DNAH12: variants seen among roughly 807,000 people sequenced by gnomAD.
DNAH12 encodes axonemal beta dynein heavy chain 12.
Under a neutral mutation model 371.5 loss-of-function variants are expected in DNAH12, and 285 were observed. The observed-to-expected ratio is 0.77, with a 90% confidence interval of 0.70 to 0.85. The LOEUF is 0.85. Among genes scored for constraint, DNAH12 ranks in the 40% least tolerant of loss-of-function variants. The pLI, the probability that DNAH12 is intolerant of heterozygous loss-of-function variation, is 0.00. For synonymous variants in DNAH12, 1,200 were observed against 1,213.0 expected (o/e 0.99, Z 0.22); for missense variants, 3,611 against 3,689.4 (o/e 0.98, Z 0.55).
upstream of DNAH12, among the ~76,000 whole-genome samples, chr3:57,547,483 T>A (rs1397727895): frequency 6.6e-6 from 1 of 152,086 alleles, no homozygotes; most frequent in Non-Finnish European, 1.5e-5. Context: ...TAATAGCCAA[T>A]GTTTCCAAAA....
At chr3:57,521,678 G>A (rs1302805892) in intron 4 of DNAH12, among the ~76,000 whole-genome samples, 1 of 152,186 alleles carries the variant, frequency 6.6e-6, no homozygotes, top group African/African-American at 2.4e-5. Flanking sequence ...CTTGAGGTCA[G>A]GAGTTCAAGA....
chr3:57,437,724 A>C (rs1252149108), intron 29 of DNAH12, among the ~76,000 whole-genome samples: 1 of 151,880 alleles, frequency 6.6e-6, no homozygotes, highest in African/African-American at 2.4e-5. Context: ...CCGAACATCC[A>C]TGCTTTTGCT....
chr3:57,331,894 C>T (rs2062106809), intron 62 of DNAH12, among the ~76,000 whole-genome samples: 1 of 152,122 alleles, frequency 6.6e-6, no homozygotes, highest in South Asian at 2.1e-4. Flanking sequence ...TCAAATTCCT[C>T]ATACCCTGCC....
chr3:57,417,426 G>T (rs897481943), intron 37 of DNAH12, among the ~76,000 whole-genome samples: 49 of 152,138 alleles, frequency 3.2e-4, no homozygotes, highest in African/African-American at 1.2e-3. Flanking sequence ...TGACCCCTGA[G>T]AATTCATCTA....
chr3:57,349,271 A>T (rs536015639), intron 60 of DNAH12, among the ~76,000 whole-genome samples: 6 of 152,338 alleles, frequency 3.9e-5, no homozygotes, highest in Admixed American at 3.3e-4. Flanking sequence ...TCAAAACCAC[A>T]ACATGATACC....
chr3:57,487,288 A>AAGGAAGG (rs2066951651), intron 12 of DNAH12, among the ~76,000 whole-genome samples: 1 of 110,508 alleles, frequency 9.0e-6, no homozygotes, highest in Non-Finnish European at 1.8e-5. Flanking sequence ...AAGAAGGAAG[A>AAGGAAGG]AAGGAAGGAA....
At chr3:57,487,403 GAAAAAAAAGAA>G (rs1559712170) in intron 12 of DNAH12, among the ~76,000 whole-genome samples, 1 of 97,882 alleles carries the variant, frequency 1.0e-5, no homozygotes. Context: ...AAGAAAGAAA[GAAAAAAAAGAA>G]AAAGAAAGAA....
At chr3:57,388,735 T>A (rs1034552183) in intron 45 of DNAH12, among the ~76,000 whole-genome samples, 1 of 152,070 alleles carries the variant, frequency 6.6e-6, no homozygotes, top group Non-Finnish European at 1.5e-5. Flanking sequence ...TAAAAAAGGA[T>A]GAGTTCATGT....
chr3:57,307,595 G>C (rs939039173), intron 69 of DNAH12, among the ~76,000 whole-genome samples: 22 of 152,104 alleles, frequency 1.4e-4, no homozygotes, highest in African/African-American at 5.1e-4. Flanking sequence ...ACTCTCTATA[G>C]TTCTCATAAT....
rs535397879 is a variant in DNAH12, at chr3:57,471,482, C to T, written c.1901G>A (p.Arg634His). Reference sequence around the variant, plus strand: ...ATATATTTATCAGACCTGTTGCATGCGCTCCAGCTCTGCAAATTCTGTAAA... The same window carrying T: ...ATATATTTATCAGACCTGTTGCATGTGCTCCAGCTCTGCAAATTCTGTAAA... ...EEFTEFAELE[R>H]MQQYVTDVRQ... Residue 634 changes from arginine (R) to histidine (H), a missense_variant, in exon 15 of 74, where the codon CGC (arginine) becomes CAC (histidine). By Grantham distance (29) the Arg-to-His change is conservative (BLOSUM62 0). This residue lies in a region of DNAH12 where 1,314 missense variants were observed against 1,398.7 expected (regional missense o/e 0.94). Transcript: ENST00000495027. 5.1e-5 allele frequency: 79 copies of T among 1,544,594 alleles called. No homozygotes were observed. The highest frequency in any genetic ancestry group is 4.3e-4 in the African/African-American group (31 of 72,714).
At chr3:57,382,108 A>C (rs1190386947) in intron 50 of DNAH12, among the ~76,000 whole-genome samples, 154 bp downstream of exon 50, 1 of 152,144 alleles carries the variant, frequency 6.6e-6, no homozygotes, top group African/African-American at 2.4e-5. Context: ...TTTTGACACT[A>C]CATTGTCTTA....
chr3:57,387,115 A>T lies in DNAH12; in HGVS notation c.7410T>A (p.Phe2470Leu), dbSNP rs2063512436. Residue 2470 changes from phenylalanine to leucine, a missense_variant, in exon 46 of 74, where the codon TTT becomes TTA. Phe to Leu is a conservative substitution (Grantham distance 22, BLOSUM62 0). Around this residue, in one of 3 missense-constraint regions of DNAH12, gnomAD observed 2,266 missense variants for 2,236.9 expected, o/e 1.01. Coordinates refer to ENST00000495027, the MANE Select transcript of DNAH12 (RefSeq NM_001366028.2). ...CTGAAAGATCCATAATGGAGGTGTG[A>T]AAGTGTTTACAGATTGGAACTATCT... ...QQEIVPICKH[F>L]HTSIMDLSER... is the part of the protein sequence containing the mutation. The T allele has an allele frequency of 1.3e-5, 2 of 152,194 alleles. No individual in the cohort carries two copies. The highest frequency in any genetic ancestry group is 4.8e-5 in the African/African-American group (2 of 41,458). The allele number at this position is 152,194 out of a possible 1,614,324, so 9.4% of individuals were successfully genotyped here. A position where few individuals can be genotyped will look rare whatever the true frequency, so the allele number is the denominator to read the frequency against.
chr3:57,535,611 C>T (rs1217197310), intron 2 of DNAH12, among the ~76,000 whole-genome samples: 20 of 152,140 alleles, frequency 1.3e-4, no homozygotes, highest in Admixed American at 9.2e-4. Flanking sequence ...GGCATGATCT[C>T]GGCTCACCAC....
intron 40 of DNAH12, among the ~76,000 whole-genome samples, 191 bp from the exon 41 acceptor site, chr3:57,406,143 G>C (rs2064018113): frequency 6.6e-6 from 1 of 152,126 alleles, no homozygotes; most frequent in Non-Finnish European, 1.5e-5. Context: ...CTAAGGTCAG[G>C]AGTTCGAGAC....
intron 65 of DNAH12, 71 bp from the exon 66 acceptor site, chr3:57,314,702 G>C: frequency 7.0e-7 from 1 of 1,424,094 alleles, no homozygotes; most frequent in Non-Finnish European, 9.3e-7. Context: ...GAGAGGAATA[G>C]ATAAATGATC....
intron 55 of DNAH12, among the ~76,000 whole-genome samples, chr3:57,372,002 A>T (rs1441917766): frequency 1.3e-5 from 2 of 150,860 alleles, no homozygotes; most frequent in Non-Finnish European, 3.0e-5. Flanking sequence ...GACTTTTTTC[A>T]AGGTTGGTTA....
intron 34 of DNAH12, 138 bp downstream of exon 34, chr3:57,428,495 T>G (rs1175364487): frequency 2.0e-6 from 3 of 1,530,084 alleles, no homozygotes; most frequent in Non-Finnish European, 2.6e-6. Context: ...TTAAGCAATA[T>G]AAAACCAACG....
intron 37 of DNAH12, among the ~76,000 whole-genome samples, chr3:57,415,782 TTTTA>T (rs1287921956): frequency 7.3e-6 from 1 of 136,506 alleles, no homozygotes; most frequent in Non-Finnish European, 1.5e-5. Context: ...TCTTTTTATT[TTTTA>T]TTCTTTTTTT....
chr3:57,388,243 A>C (rs2063535617), intron 45 of DNAH12, among the ~76,000 whole-genome samples: 1 of 152,066 alleles, frequency 6.6e-6, no homozygotes. Flanking sequence ...AAGCTCATAT[A>C]CTGACTTACC....
Sources: gnomAD v4.1 joint callset for allele counts (sites outside exome capture counted in the v4.1 genomes callset) on GRCh38, gnomAD v4.1.1 for gene constraint, gnomAD v4.1.1 regional missense constraint, MANE v1.5 for transcripts, NCBI Gene and HGNC (gene_info 2026-07-23, HGNC 2026-07-21) for gene names.